The following LTBP1 variants were observed in gnomAD, a reference collection of about 807,000 sequenced individuals.
LTBP1 encodes the protein latent transforming growth factor beta binding protein 1, also known as latent-transforming growth factor beta-binding protein 1.
In LTBP1, 129 loss-of-function variants were observed where a neutral mutation model predicts 207.6. The ratio of observed to expected loss-of-function variants is 0.62; its 90% confidence interval spans 0.54 to 0.72. The LOEUF (loss-of-function observed/expected upper bound fraction) is 0.72. Among genes scored for constraint, LTBP1 ranks in the 30% least tolerant of loss-of-function variants. The pLI is 0.00. For synonymous variants in LTBP1, 963 were observed against 833.7 expected (o/e 1.16, Z -2.67); for missense variants, 2,281 against 2,217.2 (o/e 1.03, Z -0.58).
intron 1 of LTBP1, 28 bp downstream of exon 1, chr2:32,947,846 C>A (rs1676451257): frequency 1.6e-6 from 2 of 1,277,284 alleles, no homozygotes; most frequent in East Asian, 3.2e-5. Context: ...TCCGCCCGCC[C>A]GCCCGCCTCG....
At chr2:33,208,933 T>A (rs1474091588) in intron 7 of LTBP1, among the ~76,000 whole-genome samples, 1 of 147,124 alleles carries the variant, frequency 6.8e-6, no homozygotes, top group Non-Finnish European at 1.5e-5. Context: ...AGTGGCGCGA[T>A]CTCGGCTGAC....
At chr2:33,301,150 A>T (rs1250367298) in intron 21 of LTBP1, among the ~76,000 whole-genome samples, 9 of 152,192 alleles carry the variant, frequency 5.9e-5, no homozygotes, top group Non-Finnish European at 1.3e-4. Context: ...ATTTCATTGA[A>T]TTGCACACAG....
chr2:33,069,073 G>A (rs2077654160), intron 3 of LTBP1, among the ~76,000 whole-genome samples: 1 of 152,220 alleles, frequency 6.6e-6, no homozygotes, highest in Non-Finnish European at 1.5e-5. Flanking sequence ...TGCTCCGGAA[G>A]TTAAGCTTAC....
intron 3 of LTBP1, among the ~76,000 whole-genome samples, chr2:33,023,203 T>A (rs1215738360): frequency 8.5e-5 from 13 of 152,190 alleles, no homozygotes; most frequent in Non-Finnish European, 1.5e-5. Flanking sequence ...TTACTGTGAA[T>A]TGCAATTAGT....
intron 3 of LTBP1, among the ~76,000 whole-genome samples, chr2:33,084,854 T>C (rs536488581): frequency 6.6e-6 from 1 of 152,280 alleles, no homozygotes; most frequent in African/African-American, 2.4e-5. Flanking sequence ...TTTCACCAGG[T>C]TTCTGTGAGA....
At chr2:33,004,848 G>C (rs75437234) in intron 2 of LTBP1, among the ~76,000 whole-genome samples, 2 of 138,132 alleles carry the variant, frequency 1.4e-5, no homozygotes, top group East Asian at 2.3e-4. Context: ...ATTTATTGTG[G>C]CTAGTATTAT....
intron 15 of LTBP1, among the ~76,000 whole-genome samples, chr2:33,268,245 G>C (rs1449221421): frequency 6.6e-6 from 1 of 152,164 alleles, no homozygotes; most frequent in African/African-American, 2.4e-5. Context: ...GCCAAACACA[G>C]ATTTAAGGAG....
chr2:32,971,283 T>G (rs219033), intron 2 of LTBP1, among the ~76,000 whole-genome samples: 56,282 of 151,880 alleles, frequency 0.37, 11,096 homozygotes, highest in Non-Finnish European at 0.45. Flanking sequence ...TGCCTTTTAT[T>G]TCTTTCTCTT....
chr2:33,176,037 GGAGA>G (rs2086011914), intron 5 of LTBP1, among the ~76,000 whole-genome samples: 1 of 151,042 alleles, frequency 6.6e-6, no homozygotes, highest in Non-Finnish European at 1.5e-5. Flanking sequence ...GATAGCATTA[GGAGA>G]TATACCTAAT....
chr2:33,117,724 C>T (rs975426647), intron 4 of LTBP1, among the ~76,000 whole-genome samples: 5 of 152,120 alleles, frequency 3.3e-5, no homozygotes, highest in African/African-American at 1.2e-4. Context: ...TAGTTGAGAG[C>T]ACCCATTATG....
chr2:32,973,966 G>A (rs1049279505), intron 2 of LTBP1, among the ~76,000 whole-genome samples: 3 of 152,144 alleles, frequency 2.0e-5, no homozygotes, highest in African/African-American at 7.2e-5. Flanking sequence ...ACTCCATTGT[G>A]TACACGTACC....
intron 19 of LTBP1, among the ~76,000 whole-genome samples, 184 bp downstream of exon 19, chr2:33,280,342 A>T (rs1196755774): frequency 6.6e-6 from 1 of 152,226 alleles, no homozygotes; most frequent in Non-Finnish European, 1.5e-5. Flanking sequence ...AGCATAAAGG[A>T]TGTAAGATTC....
chr2:33,092,293 A>G (rs2079145111), intron 3 of LTBP1, among the ~76,000 whole-genome samples: 1 of 152,232 alleles, frequency 6.6e-6, no homozygotes, highest in Non-Finnish European at 1.5e-5. Context: ...CCATATGTAA[A>G]GGATCTGTTC....
chr2:32,971,225 A>G lies in LTBP1; in HGVS notation c.565+22280A>G, dbSNP rs147061277. ...TTTGGGGTTTTCTAGATATAAAATC[A>G]TATTGTCTGCAAATAGAGAGAGTTT... On this transcript the variant is annotated intron_variant, in intron 2 of 33. Transcript: ENST00000404816. Among the ~76,000 whole-genome samples, 256 of 152,270 alleles carry G rather than the reference A, an allele frequency of 1.7e-3. 1 individual carries two copies. Among genetic ancestry groups the G allele is most frequent in the African/African-American group, 6.1e-3 (253 of 41,548 alleles).
intron 3 of LTBP1, among the ~76,000 whole-genome samples, 186 bp from the exon 4 acceptor site, chr2:33,110,396 C>T (rs1572679073): frequency 6.6e-6 from 1 of 152,210 alleles, no homozygotes; most frequent in Non-Finnish European, 1.5e-5. Context: ...CGCTTCTGAG[C>T]GTAAGCCATC....
chr2:32,985,111 C>T (rs186266227), intron 2 of LTBP1, among the ~76,000 whole-genome samples: 6 of 152,214 alleles, frequency 3.9e-5, no homozygotes, highest in African/African-American at 1.4e-4. Flanking sequence ...AAACTAGGAT[C>T]GATATAACTA....
chr2:33,147,498 A>G (rs1412546284), intron 5 of LTBP1, among the ~76,000 whole-genome samples: 1 of 152,250 alleles, frequency 6.6e-6, no homozygotes, highest in African/African-American at 2.4e-5. Context: ...AAGCTATGTC[A>G]TCAATTAATG....
intron 11 of LTBP1, among the ~76,000 whole-genome samples, chr2:33,254,018 T>G (rs1484728869): frequency 6.6e-6 from 1 of 150,692 alleles, no homozygotes; most frequent in East Asian, 2.0e-4. Context: ...GCCTCCCAAG[T>G]AGCTGGGACT....
At position 33,381,663 on chromosome 2, in the gene LTBP1, G is replaced by A. The variant is rs189840613; in HGVS notation, c.4712-7521G>A. Among the ~76,000 whole-genome samples, 24 of 152,284 alleles carry A rather than the reference G, an allele frequency of 1.6e-4. No homozygotes were observed. In the East Asian group the frequency reaches 3.1e-3, roughly 20 times the overall value. ...GCCCCTGGTGGAGCTGAGCTCATCA[G>A]CATTCATGGTTATTACTCTCCCTGG... On this transcript the variant is annotated intron_variant, in intron 31 of 33. Coordinates refer to ENST00000404816, the MANE Select transcript of LTBP1 (RefSeq NM_206943.4).
Sources: allele counts gnomAD v4.1 joint callset (sites outside exome capture counted in the v4.1 genomes callset), GRCh38; gene constraint gnomAD v4.1.1; transcripts MANE v1.5; gene names NCBI Gene and HGNC (gene_info 2026-07-23, HGNC 2026-07-21).